The following DAB1 variants were observed in gnomAD, a reference collection of about 807,000 sequenced individuals.
The protein encoded by DAB1 is DAB adaptor protein 1.
A neutral mutation model predicts 64.6 loss-of-function variants in DAB1; 15 were observed. The ratio of observed to expected loss-of-function variants is 0.23; its 90% confidence interval spans 0.16 to 0.36. The LOEUF is 0.36. Ranked by LOEUF, DAB1 falls within the 10% of genes least tolerant of loss-of-function variation. The probability of loss-of-function intolerance (pLI) is 1.00; values close to 1 mark genes in which losing one functional copy is unlikely to be tolerated. For synonymous variants in DAB1, 235 were observed against 251.9 expected (o/e 0.93, Z 0.64); for missense variants, 596 against 706.7 (o/e 0.84, Z 1.78).
rs533545066 is a variant in DAB1, at chr1:57,644,176, G to A, written n.625+5416C>T. ...GCCTCTCTAGCATAGTACTACTTAC[G>A]GGGTTAATTTCATGAGGAGCCTGAT... On this transcript the variant is annotated intron_variant and non_coding_transcript_variant, in intron 7 of 20. Transcript: ENST00000485760. Among the ~76,000 whole-genome samples the A allele has an allele frequency of 9.2e-5, 14 of 152,204 alleles. No homozygotes were observed. The South Asian group carries it at 2.1e-3, about 23-fold the overall frequency.
intron 3 of DAB1, among the ~76,000 whole-genome samples, chr1:58,492,435 T>TA (rs1469816441): frequency 4.0e-5 from 6 of 151,756 alleles, no homozygotes; most frequent in African/African-American, 1.5e-4. Flanking sequence ...CTGAAGGAAA[T>TA]AGAGACACAA....
intron 6 of DAB1, among the ~76,000 whole-genome samples, chr1:57,662,655 G>A (rs1185350755): frequency 1.3e-5 from 2 of 152,222 alleles, no homozygotes; most frequent in Non-Finnish European, 2.9e-5. Flanking sequence ...TTCTTAAGGA[G>A]GTGATGCTTG....
intron 3 of DAB1, among the ~76,000 whole-genome samples, chr1:58,379,631 G>A (rs930078080): frequency 6.6e-6 from 1 of 152,194 alleles, no homozygotes; most frequent in Non-Finnish European, 1.5e-5. Flanking sequence ...ATACCTATTG[G>A]TGCAACCATC....
At chr1:58,417,665 C>A (rs190259925) in intron 3 of DAB1, among the ~76,000 whole-genome samples, 108 of 152,292 alleles carry the variant, frequency 7.1e-4, no homozygotes, top group Admixed American at 2.7e-3. Context: ...TCCTATGTAA[C>A]CATGAATCAA....
intron 5 of DAB1, chr1:58,056,410 G>C (rs200975389): frequency 1.0e-4 from 157 of 1,565,752 alleles, no homozygotes; most frequent in Non-Finnish European, 2.5e-5. Flanking sequence ...GGCACAGTTA[G>C]TGCAGCGAAT....
At chr1:58,332,739 G>T (rs1663000587) in intron 4 of DAB1, among the ~76,000 whole-genome samples, 1 of 152,230 alleles carries the variant, frequency 6.6e-6, no homozygotes, top group Non-Finnish European at 1.5e-5. Context: ...GGCTGGACAT[G>T]AAGAAAAACT....
chr1:57,653,230 G>A (rs1436013761), intron 6 of DAB1, among the ~76,000 whole-genome samples: 1 of 151,930 alleles, frequency 6.6e-6, no homozygotes. Flanking sequence ...CAAAGATAAC[G>A]ACTCTCCTAA....
chr1:58,255,767 G>A (rs996112539), intron 4 of DAB1, among the ~76,000 whole-genome samples: 2 of 152,146 alleles, frequency 1.3e-5, no homozygotes, highest in African/African-American at 4.8e-5. Context: ...GTACTGGGGA[G>A]ACAAAATTAA....
chr1:57,643,848 A>G (rs910972639), intron 7 of DAB1, among the ~76,000 whole-genome samples: 4 of 152,204 alleles, frequency 2.6e-5, no homozygotes, highest in African/African-American at 9.6e-5. Context: ...GACCTCAAAC[A>G]TCTAGGACTG....
intron 5 of DAB1, among the ~76,000 whole-genome samples, chr1:58,126,619 C>A (rs1449775623): frequency 6.0e-5 from 9 of 149,324 alleles, no homozygotes; most frequent in African/African-American, 2.2e-4. Flanking sequence ...ACCCCCCACC[C>A]CACAACAGTC....
intron 4 of DAB1, among the ~76,000 whole-genome samples, chr1:58,282,247 G>A (rs1408649537): frequency 2.6e-5 from 4 of 152,084 alleles, no homozygotes; most frequent in African/African-American, 9.7e-5. Context: ...CTGCCTCACA[G>A]TATCTCATCC....
At chr1:57,795,665 T>C (rs1307177288) in intron 6 of DAB1, among the ~76,000 whole-genome samples, 1 of 136,428 alleles carries the variant, frequency 7.3e-6, no homozygotes, top group Non-Finnish European at 1.5e-5. Flanking sequence ...CTTCAAAATA[T>C]AACCATCCAT....
At position 58,381,976 on chromosome 1, in the gene DAB1, G is replaced by GAAGTGAGACTGAATGACACCATC. The variant is rs1370881707; in HGVS notation, n.258-38574_258-38573insGATGGTGTCATTCAGTCTCACTT. Among the ~76,000 whole-genome samples, 1,174 of 145,400 alleles carry GAAGTGAGACTGAATGACACCATC rather than the reference G, an allele frequency of 8.1e-3. 117 individuals are homozygous for GAAGTGAGACTGAATGACACCATC. The highest frequency in any genetic ancestry group is 0.014 in the Non-Finnish European group (956 of 66,456). On this transcript the variant is annotated intron_variant and non_coding_transcript_variant, in intron 3 of 20. Coordinates refer to the DAB1 transcript ENST00000485760. Reference sequence around the variant, plus strand: ...AAGAAGTGAGACTGAATGACACCATGAAAGAAGAAACAGTAGATAGATACT... The same window carrying GAAGTGAGACTGAATGACACCATC: ...AAGAAGTGAGACTGAATGACACCATGAAGTGAGACTGAATGACACCATCAAAGAAGAAACAGTAGATAGATACT...
At position 57,146,941 on chromosome 1, in the gene DAB1, T is replaced by C. The variant is rs1659195933; in HGVS notation, c.68-1512A>G. Among the ~76,000 whole-genome samples, 3 of 152,180 alleles carry C rather than the reference T, an allele frequency of 2.0e-5. No homozygotes were observed. The South Asian group carries it at 6.2e-4, about 32-fold the overall frequency. On this transcript the variant is annotated intron_variant, in intron 2 of 14. Transcript: ENST00000371236. ...ACAATAAAGTATCTACCTTACAGCA[T>C]TAGCATGAGCAGTAACTTCAGTGAG...
chr1:57,367,410 T>C (rs1190852668), intron 1 of DAB1, among the ~76,000 whole-genome samples: 1 of 152,184 alleles, frequency 6.6e-6, no homozygotes. Context: ...TCCAGAGACC[T>C]ACTAGGTGTT....
At chr1:58,541,107 C>T (rs574687858) in intron 1 of DAB1, among the ~76,000 whole-genome samples, 4 of 4,584 alleles carry the variant, frequency 8.7e-4, no homozygotes, top group South Asian at 0.12. Context: ...GTCAGGCATT[C>T]GAGGCGTGAA....
At chr1:58,233,456 A>G (rs1029712459) in intron 4 of DAB1, among the ~76,000 whole-genome samples, 3 of 152,104 alleles carry the variant, frequency 2.0e-5, no homozygotes, top group Admixed American at 1.3e-4. Context: ...GCCCCTTTGG[A>G]GTGCTGTCTA....
chr1:57,752,289 C>T (rs982874799), intron 6 of DAB1, among the ~76,000 whole-genome samples: 1 of 152,154 alleles, frequency 6.6e-6, no homozygotes, highest in Non-Finnish European at 1.5e-5. Context: ...TTGATTTTCT[C>T]TATTTATTTA....
intron 1 of DAB1, among the ~76,000 whole-genome samples, chr1:57,350,136 A>C (rs1299977985): frequency 6.6e-6 from 1 of 152,216 alleles, no homozygotes; most frequent in Non-Finnish European, 1.5e-5. Flanking sequence ...TAGAGAATGT[A>C]CCACATGCTG....
Sources: gnomAD v4.1 joint callset for allele counts (sites outside exome capture counted in the v4.1 genomes callset) on GRCh38, gnomAD v4.1.1 for gene constraint, MANE v1.5 for transcripts, NCBI Gene and HGNC (gene_info 2026-07-23, HGNC 2026-07-21) for gene names.